KCNQ5: variants seen among roughly 807,000 people sequenced by gnomAD.
KCNQ5 encodes the protein potassium voltage-gated channel subfamily KQT member 5.
Under a neutral mutation model 98.2 loss-of-function variants are expected in KCNQ5, and 30 were observed. The observed-to-expected ratio is 0.31, with a 90% CI of 0.23 to 0.41. The LOEUF (loss-of-function observed/expected upper bound fraction) is 0.41, where lower values mean the gene tolerates loss of function less well. Among genes scored for constraint, KCNQ5 ranks in the 10% least tolerant of loss-of-function variants. The pLI is 1.00. For synonymous variants in KCNQ5, 458 were observed against 449.4 expected (o/e 1.02, Z -0.24); for missense variants, 835 against 1,182.5 (o/e 0.71, Z 4.31).
At chr6:72,677,936 G>T (rs1403509661) in intron 1 of KCNQ5, among the ~76,000 whole-genome samples, 2 of 152,214 alleles carry the variant, frequency 1.3e-5, no homozygotes, top group African/African-American at 4.8e-5. Context: ...CTGTGATACA[G>T]CAGTGTTCAG....
intron 7 of KCNQ5, among the ~76,000 whole-genome samples, chr6:73,112,430 C>T (rs1457645765): frequency 1.3e-5 from 2 of 151,618 alleles, no homozygotes; most frequent in Admixed American, 1.3e-4. Context: ...ACTGCAAGCT[C>T]CGCCTCCTGG....
At chr6:73,078,999 G>A (rs1773650355) in intron 5 of KCNQ5, among the ~76,000 whole-genome samples, 1 of 152,080 alleles carries the variant, frequency 6.6e-6, no homozygotes, top group Non-Finnish European at 1.5e-5. Context: ...TTCCAAAGGG[G>A]AGTTATATGA....
intron 1 of KCNQ5, among the ~76,000 whole-genome samples, chr6:72,960,035 C>G (rs769328683): frequency 1.3e-5 from 2 of 152,154 alleles, no homozygotes; most frequent in African/African-American, 4.8e-5. Flanking sequence ...CGCTATTTTG[C>G]GTATGCTGAG....
intron 1 of KCNQ5, among the ~76,000 whole-genome samples, chr6:72,922,810 CT>C (rs369263359): frequency 5.1e-3 from 526 of 103,854 alleles, no homozygotes; most frequent in African/African-American, 0.016. Flanking sequence ...TTTTCTTTTT[CT>C]TTTTTTTTTT....
At chr6:72,894,667 C>A (rs1438007191) in intron 1 of KCNQ5, among the ~76,000 whole-genome samples, 9 of 152,056 alleles carry the variant, frequency 5.9e-5, no homozygotes, top group Non-Finnish European at 1.2e-4. Flanking sequence ...GCCTGATTAA[C>A]TGAAAACTAG....
intron 1 of KCNQ5, among the ~76,000 whole-genome samples, chr6:72,970,208 G>C (rs1767814008): frequency 1.3e-5 from 2 of 152,110 alleles, no homozygotes; most frequent in South Asian, 4.1e-4. Context: ...GCAGTGAGCT[G>C]TAATCACACC....
At chr6:72,658,981 A>C (rs930877876) in intron 1 of KCNQ5, among the ~76,000 whole-genome samples, 1 of 152,206 alleles carries the variant, frequency 6.6e-6, no homozygotes, top group Non-Finnish European at 1.5e-5. Flanking sequence ...GCATATTTAG[A>C]ATCCAGACAT....
At chr6:73,086,923 C>T (rs1774010835) in intron 5 of KCNQ5, among the ~76,000 whole-genome samples, 1 of 152,174 alleles carries the variant, frequency 6.6e-6, no homozygotes, top group Admixed American at 6.5e-5. Context: ...GCTGAGGGAA[C>T]AGCTTGTGCA....
intron 1 of KCNQ5, among the ~76,000 whole-genome samples, chr6:72,699,626 C>T (rs910436410): frequency 4.6e-5 from 7 of 152,136 alleles, no homozygotes; most frequent in African/African-American, 9.7e-5. Context: ...CAAATGATGG[C>T]TCTGCTAATC....
chr6:72,663,476 T>A (rs1766631928), intron 1 of KCNQ5, among the ~76,000 whole-genome samples: 1 of 152,208 alleles, frequency 6.6e-6, no homozygotes, highest in African/African-American at 2.4e-5. Flanking sequence ...CCTGGTTACC[T>A]TAATTGCTGC....
intron 11 of KCNQ5, among the ~76,000 whole-genome samples, chr6:73,177,815 A>G (rs762538257): frequency 1.4e-4 from 21 of 152,172 alleles, no homozygotes; most frequent in Admixed American, 3.9e-4. Flanking sequence ...TTTAGCACAT[A>G]TCTTTAAAAT....
intron 10 of KCNQ5, among the ~76,000 whole-genome samples, chr6:73,138,434 A>G (rs766915779): frequency 7.9e-5 from 12 of 152,204 alleles, no homozygotes; most frequent in Non-Finnish European, 1.5e-4. Flanking sequence ...GCAATCAAAG[A>G]GTACAATAAC....
intron 1 of KCNQ5, among the ~76,000 whole-genome samples, chr6:72,693,926 G>A (rs1237669782): frequency 6.6e-6 from 1 of 152,136 alleles, no homozygotes; most frequent in Admixed American, 6.6e-5. Flanking sequence ...TTCTGAAGGT[G>A]TCAGAATCCC....
At chr6:72,727,443 T>G (rs1251726677) in intron 1 of KCNQ5, among the ~76,000 whole-genome samples, 3 of 152,244 alleles carry the variant, frequency 2.0e-5, no homozygotes, top group Admixed American at 6.5e-5. Flanking sequence ...ATGGCATTTA[T>G]GTACTCAGTG....
chr6:72,690,743 A>G (rs1768178456), intron 1 of KCNQ5, among the ~76,000 whole-genome samples: 1 of 151,948 alleles, frequency 6.6e-6, no homozygotes, highest in South Asian at 2.1e-4. Context: ...TAATAGTACA[A>G]TACTTTTTAT....
rs149831221 is a variant in KCNQ5 at position 72,897,057 on chromosome 6, G to C, written c.399-106851G>C. ...TCATTCCGAGCAACATGAAAAGCAA[G>C]AAGAAGAGCCCCAACATAGAAAACA... is the stretch of plus-strand genomic sequence containing the variant. On this transcript the variant is annotated intron_variant, in intron 1 of 13. Coordinates refer to ENST00000370398, the MANE Select transcript of KCNQ5 (RefSeq NM_019842.4). 3.8e-3 allele frequency among the ~76,000 whole-genome samples: 584 copies of C among 152,084 alleles called. 2 individuals carry two copies. Among genetic ancestry groups the C allele is most frequent in the African/African-American group, 0.014 (564 of 41,472 alleles).
chr6:73,138,315 T>C (rs1582428043), intron 10 of KCNQ5, among the ~76,000 whole-genome samples: 1 of 152,204 alleles, frequency 6.6e-6, no homozygotes, highest in African/African-American at 2.4e-5. Flanking sequence ...ACAAGAATGA[T>C]ACTAAGGTAG....
intron 10 of KCNQ5, among the ~76,000 whole-genome samples, chr6:73,139,195 T>C (rs1776606687): frequency 6.6e-6 from 1 of 152,220 alleles, no homozygotes; most frequent in African/African-American, 2.4e-5. Flanking sequence ...TTTGTATCTC[T>C]TCTTAAAAGT....
intron 2 of KCNQ5, among the ~76,000 whole-genome samples, chr6:73,025,174 T>C (rs1190313924): frequency 1.3e-5 from 2 of 152,218 alleles, no homozygotes; most frequent in African/African-American, 2.4e-5. Context: ...TATTGTCATA[T>C]TCTAAAGACA....
Sources: gnomAD v4.1 joint callset for allele counts (sites outside exome capture counted in the v4.1 genomes callset) on GRCh38, gnomAD v4.1.1 for gene constraint, MANE v1.5 for transcripts, NCBI Gene and HGNC (gene_info 2026-07-23, HGNC 2026-07-21) for gene names.